The following STAT2 variants were observed in gnomAD, a reference collection of about 807,000 sequenced individuals.
The protein encoded by STAT2 is signal transducer and activator of transcription 2.
STAT2 carries 51 observed loss-of-function variants against 122.3 expected under a neutral mutation model. The observed-to-expected ratio is 0.42, with a 90% CI of 0.33 to 0.53. STAT2 has a LOEUF of 0.53. Ranked by LOEUF, STAT2 falls within the 20% of genes least tolerant of loss-of-function variation. The pLI, the probability that STAT2 is intolerant of heterozygous loss-of-function variation, is 0.10. For missense variants in STAT2, 736 were observed against 1,010.3 expected, an observed-to-expected ratio of 0.73 and a Z score of 3.68; for synonymous variants, 351 against 394.9, an observed-to-expected ratio of 0.89 and a Z score of 1.32.
At chr12:56,358,315 G>A (rs866794505) in intron 1 of STAT2, among the ~76,000 whole-genome samples, 4 of 148,592 alleles carry the variant, frequency 2.7e-5, no homozygotes, top group Admixed American at 2.1e-4. Flanking sequence ...ACACGATCTC[G>A]GCTCACTGCA....
chr12:56,347,625 C>G (rs1436973961), intron 19 of STAT2, among the ~76,000 whole-genome samples: 1 of 152,136 alleles, frequency 6.6e-6, no homozygotes, highest in African/African-American at 2.4e-5. Context: ...CCTCAGCCTC[C>G]TGAGTAGCTG....
rs1879255676 is a variant in STAT2 at position 56,354,773 on chromosome 12, C to T, written c.633+5G>A. The T allele has an allele frequency of 3.1e-6, 5 of 1,614,182 alleles. No individual in the cohort carries two copies. The highest frequency in any genetic ancestry group is 4.2e-6 in the Non-Finnish European group (5 of 1,180,032). ...TGCCCACATGTTCTGTCCTCTGTCT[C>T]CCACCTTTCTCCTTTTGTCCAGTTC... On this transcript the variant is annotated splice_donor_5th_base_variant and intron_variant, in intron 7 of 23. Transcript: ENST00000314128.
intron 1 of STAT2, 91 bp from the exon 2 acceptor site, chr12:56,356,669 A>G (rs2136092491): frequency 6.9e-7 from 1 of 1,452,768 alleles, no homozygotes. Flanking sequence ...CTAATTTAAA[A>G]TGTTTAAATT....
intron 15 of STAT2, 52 bp downstream of exon 15, chr12:56,349,374 A>C: frequency 6.2e-7 from 1 of 1,614,046 alleles, no homozygotes; most frequent in Middle Eastern, 1.6e-4. Flanking sequence ...TCCCCTTCTT[A>C]TGCCTTCTTC....
intron 8 of STAT2, among the ~76,000 whole-genome samples, chr12:56,351,898 GT>G (rs909567365): frequency 3.7e-4 from 53 of 142,460 alleles, no homozygotes; most frequent in Middle Eastern, 7.2e-3. Flanking sequence ...CTCACACTTT[GT>G]TTTTTTTTTT....
intron 13 of STAT2, 63 bp from the exon 14 acceptor site, chr12:56,349,699 T>C (rs1878143780): frequency 1.2e-6 from 2 of 1,610,260 alleles, no homozygotes; most frequent in Non-Finnish European, 1.7e-6. Context: ...CTGGAACCCC[T>C]GTTTGGCTTC....
At position 56,346,157 on chromosome 12, in the gene STAT2, C is replaced by T; in HGVS notation, c.2091G>A (p.Val697=). 6.2e-7 allele frequency: 1 copy of T among 1,614,160 alleles called. No individual in the cohort carries two copies. The part of the protein sequence containing the change: ...RRKYLKHRLI[V]VSNRQVDELQ... ...AGTTCATATCTCACCTATTAGAGAC[C>T]ACAATGAGCCTGTGTTTCAGGTATT... The change falls in exon 22 of 24, where the codon GTG becomes GTA. Residue 697 remains valine, a synonymous_variant. Coordinates refer to ENST00000314128, the MANE Select transcript of STAT2 (RefSeq NM_005419.4).
In STAT2 at chr12:56,342,267, G is replaced by A. The variant is rs1283118513; in HGVS notation, c.*1122C>T. On this transcript the variant is annotated 3_prime_UTR_variant, in exon 24 of 24. Transcript: ENST00000314128. ...GCCGAGATCACACCATTGCACTCCA[G>A]CCTGGACAACAAGAGAGAAACTCCA... The A allele has an allele frequency of 7.0e-6, 1 of 142,522 alleles. No individual in the cohort carries two copies. The highest frequency in any genetic ancestry group is 2.7e-5 in the African/African-American group (1 of 37,320). 8.8% of individuals were successfully genotyped at this position (142,522 alleles called of 1,614,324 possible). A position where few individuals can be genotyped will look rare whatever the true frequency, so the allele number is the denominator to read the frequency against.
chr12:56,349,664 T>C (rs763361810), intron 13 of STAT2, 28 bp from the exon 14 acceptor site: 1 of 1,614,116 alleles, frequency 6.2e-7, no homozygotes, highest in Non-Finnish European at 8.5e-7. Flanking sequence ...GGAGAGAAAA[T>C]GCCAGAGTGG....
rs992609497 is a variant in STAT2, at chr12:56,347,013, T to TGCCTC, written c.1725-63_1725-59dup. On this transcript the variant is annotated intron_variant, in intron 19 of 23. Coordinates refer to ENST00000314128, the MANE Select transcript of STAT2 (RefSeq NM_005419.4). ...CCAACACCCTGCCCCACCAGGCCCCTGCCTCCCTGCTCCCCTTGTATGGAG... is the reference window on the plus strand; with the variant it reads ...CCAACACCCTGCCCCACCAGGCCCCTGCCTCGCCTCCCTGCTCCCCTTGTATGGAG... The TGCCTC allele has an allele frequency of 4.0e-4, 642 of 1,594,226 alleles. 1 individual carries two copies. Among genetic ancestry groups the TGCCTC allele is most frequent in the Non-Finnish European group, 4.4e-4 (511 of 1,167,454 alleles).
rs1400547596 is a variant in STAT2 at position 56,343,247 on chromosome 12, A to G, written c.*142T>C. ...TGTTATGCTTTCACCTCTCACCCCA[A>G]TGGAGTCACACAGGCCTGAGTTTGA... On this transcript the variant is annotated 3_prime_UTR_variant, in exon 24 of 24. Coordinates refer to ENST00000314128, the MANE Select transcript of STAT2 (RefSeq NM_005419.4). 13 of 1,152,058 alleles carry G rather than the reference A, an allele frequency of 1.1e-5. No individual in the cohort carries two copies. Among genetic ancestry groups the G allele is most frequent in the Admixed American group, 8.1e-5 (3 of 37,148 alleles). 71.4% of individuals were successfully genotyped at this position (1,152,058 alleles called of 1,614,324 possible).
Position 56,350,948 on chromosome 12 carries a change from A to G in STAT2, c.1035-60T>C, listed in dbSNP as rs2855331. 7.2e-3 allele frequency: 11,455 copies of G among 1,600,184 alleles called. 59 individuals carry two copies. Among genetic ancestry groups the G allele is most frequent in the Middle Eastern group, 0.014 (86 of 6,028 alleles). On this transcript the variant is annotated intron_variant, in intron 10 of 23. Transcript: ENST00000314128. ...AACCTCAACCTTCCGGATAGACTAG[A>G]TGTTTGAAAAAGAGAAGAGGGATTA... is the stretch of plus-strand genomic sequence containing the variant.
chr12:56,353,995 C>CAAAAAAAAAAAAA (rs1187550270), intron 8 of STAT2, among the ~76,000 whole-genome samples: 2 of 12,776 alleles, frequency 1.6e-4, no homozygotes, highest in African/African-American at 6.6e-4. Flanking sequence ...GACTCCGTCT[C>CAAAAAAAAAAAAA]AAAAAAAAAA....
chr12:56,345,510 A>ATATATATATATAT (rs1877261342), intron 22 of STAT2, among the ~76,000 whole-genome samples: 1 of 29,872 alleles, frequency 3.3e-5, no homozygotes, highest in Non-Finnish European at 5.4e-5. Context: ...AAAAAAAAAA[A>ATATATATATATAT]AAAAAAAAAA....
chr12:56,349,617 G>A lies in STAT2; in HGVS notation c.1229C>T (p.Ser410Leu). Reference protein sequence around the residue: ...FGYLTLVEQRSGGSGKGSNKG... With the variant: ...FGYLTLVEQRLGGSGKGSNKG... ...ATTGCTGCCCTTTCCTGAACCACCT[G>A]AACGTTGCTCCACCAGAGTCTGTGA... Residue 410 changes from serine to leucine, a missense_variant, in exon 14 of 24, where the codon TCA (serine) becomes TTA (leucine). Ser to Leu is a moderately radical substitution (Grantham distance 145). Transcript: ENST00000314128. 1 of 1,614,156 alleles carries A rather than the reference G, an allele frequency of 6.2e-7. No individual in the cohort carries two copies. Among genetic ancestry groups the A allele is most frequent in the Non-Finnish European group, 8.5e-7 (1 of 1,180,032 alleles).
chr12:56,346,490 G>T lies in STAT2; in HGVS notation c.1996C>A (p.Pro666Thr), dbSNP rs779168542. 1 of 1,614,090 alleles carries T rather than the reference G, an allele frequency of 6.2e-7. No homozygotes were observed. The change falls in exon 21 of 24, where the codon CCC becomes ACC. Residue 666 changes from proline (P) to threonine (T), a missense_variant. Coordinates refer to ENST00000314128, the MANE Select transcript of STAT2 (RefSeq NM_005419.4). The stretch of plus-strand genomic sequence containing the variant: ...AAAGCTTCATCCCGGGGGATTCGGG[G>T]ATAGAGGAAGCGCAGTGGGTTTTCA... ...IPENPLRFLY[P>T]RIPRDEAFGC...
chr12:56,350,332 T>G, intron 12 of STAT2, 80 bp downstream of exon 12: 1 of 1,497,304 alleles, frequency 6.7e-7, no homozygotes, highest in South Asian at 1.2e-5. Flanking sequence ...CTTCCTTGTT[T>G]GTGCCACCAG....
chr12:56,348,710 T>A (rs1157536868), intron 18 of STAT2, 42 bp downstream of exon 18: 1 of 1,613,982 alleles, frequency 6.2e-7, no homozygotes, highest in East Asian at 2.2e-5. Flanking sequence ...GTATTTGGAA[T>A]GTGGGCTAGA....
chr12:56,359,408 C>T (rs548759188), intron 1 of STAT2, among the ~76,000 whole-genome samples: 11 of 151,882 alleles, frequency 7.2e-5, no homozygotes, highest in African/African-American at 2.7e-4. Flanking sequence ...AGTGAGATTC[C>T]ATCTCCAAAA....
Sources: allele counts gnomAD v4.1 joint callset (sites outside exome capture counted in the v4.1 genomes callset), GRCh38; gene constraint gnomAD v4.1.1; transcripts MANE v1.5; gene names NCBI Gene and HGNC (gene_info 2026-07-23, HGNC 2026-07-21).